SND1: variants seen among roughly 807,000 people sequenced by gnomAD.
SND1 encodes staphylococcal nuclease domain-containing protein 1.
In SND1, 38 loss-of-function variants were observed where a neutral mutation model predicts 121.7. The observed-to-expected ratio is 0.31, with a 90% CI of 0.24 to 0.41. The LOEUF (loss-of-function observed/expected upper bound fraction) is 0.41. SND1 is among the 10% of genes least tolerant of loss of function. The pLI, the probability that SND1 is intolerant of heterozygous loss-of-function variation, is 1.00. For missense variants in SND1, 868 were observed against 1,184.6 expected, an observed-to-expected ratio of 0.73 and a Z score of 3.92; for synonymous variants, 401 against 447.4, an observed-to-expected ratio of 0.90 and a Z score of 1.31.
chr7:127,872,669 C>T (rs991856795), intron 12 of SND1, among the ~76,000 whole-genome samples: 6 of 142,582 alleles, frequency 4.2e-5, no homozygotes, highest in East Asian at 2.2e-4. Flanking sequence ...CACACACACA[C>T]GACTCTGCCA....
At chr7:127,759,604 T>C (rs563684995) in intron 10 of SND1, among the ~76,000 whole-genome samples, 2 of 152,344 alleles carry the variant, frequency 1.3e-5, no homozygotes, top group Admixed American at 1.3e-4. Flanking sequence ...CCATCAGATA[T>C]GCTCATTGCT....
chr7:127,866,079 A>G (rs1401192434), intron 12 of SND1, among the ~76,000 whole-genome samples: 1 of 152,174 alleles, frequency 6.6e-6, no homozygotes, highest in Non-Finnish European at 1.5e-5. Context: ...CAACCTAAGC[A>G]GTGGGCTAGA....
intron 15 of SND1, among the ~76,000 whole-genome samples, chr7:127,990,202 C>T (rs1006004228): frequency 3.9e-5 from 6 of 152,104 alleles, no homozygotes; most frequent in African/African-American, 1.4e-4. Context: ...CCTTAAGAAG[C>T]GGATATATTA....
intron 1 of SND1, among the ~76,000 whole-genome samples, chr7:127,665,158 T>C (rs1304333000): frequency 2.0e-5 from 3 of 152,118 alleles, no homozygotes; most frequent in Admixed American, 6.6e-5. Context: ...TACCACTTTA[T>C]TGAGTTTTGG....
Position 127,652,362 on chromosome 7 carries a change from G to T in SND1, c.-12G>T. ...GCCAGCCGCTCCACTCGTTGCCTTT[G>T]CATCTCCACACATGGCGTCCTCCGC... On this transcript the variant is annotated 5_prime_UTR_variant, in exon 1 of 24. Transcript: ENST00000354725. 1 of 1,572,116 alleles carries T rather than the reference G, an allele frequency of 6.4e-7. No individual in the cohort carries two copies. Among genetic ancestry groups the T allele is most frequent in the Non-Finnish European group, 8.7e-7 (1 of 1,153,452 alleles).
chr7:128,054,590 A>T (rs965050486), intron 16 of SND1, among the ~76,000 whole-genome samples: 1 of 152,174 alleles, frequency 6.6e-6, no homozygotes. Context: ...GTCATGTGGC[A>T]TGTCTGGCCC....
In SND1 at chr7:127,707,644, C is replaced by G. The variant is rs770605342; in HGVS notation, c.1035C>G (p.Ala345=). Residue 345 remains alanine, a synonymous_variant, in exon 9 of 24, where the codon GCC becomes GCG. Transcript: ENST00000354725. ...ACCAAAAGGACAAGCAGTTTGTTGC[C>G]AAGGTGAGTCATTCTCAGCATCTTG... The part of the protein sequence containing the change: ...NLDQKDKQFV[A]KVMQVLNADA... 6.2e-7 allele frequency: 1 copy of G among 1,613,196 alleles called. No homozygotes were observed. The highest frequency in any genetic ancestry group is 2.2e-5 in the East Asian group (1 of 44,856).
chr7:127,917,178 T>C (rs1182021104), intron 14 of SND1, among the ~76,000 whole-genome samples: 1 of 152,252 alleles, frequency 6.6e-6, no homozygotes, highest in East Asian at 1.9e-4. Flanking sequence ...CAATATAATA[T>C]CCACATGTGG....
chr7:127,976,494 G>A (rs890152617), intron 15 of SND1, among the ~76,000 whole-genome samples: 5 of 152,234 alleles, frequency 3.3e-5, no homozygotes, highest in African/African-American at 4.8e-5. Context: ...GTGCTTTGGT[G>A]CACTGTTGCC....
chr7:128,028,943 AAC>A, intron 16 of SND1: 1 of 1,609,276 alleles, frequency 6.2e-7, no homozygotes, highest in Non-Finnish European at 8.5e-7. Flanking sequence ...GGATTATCTC[AAC>A]AGTCCGGGCG....
chr7:127,752,600 G>A (rs1228127526), intron 10 of SND1, among the ~76,000 whole-genome samples: 3 of 152,126 alleles, frequency 2.0e-5, no homozygotes, highest in Admixed American at 6.5e-5. Flanking sequence ...TCTATAAAGG[G>A]CCAAATGATA....
At chr7:127,883,991 G>A (rs1584640135) in intron 12 of SND1, among the ~76,000 whole-genome samples, 2 of 152,230 alleles carry the variant, frequency 1.3e-5, no homozygotes, top group African/African-American at 4.8e-5. Flanking sequence ...ATTTTGTGAG[G>A]AGACACTTTG....
intron 10 of SND1, among the ~76,000 whole-genome samples, chr7:127,735,115 C>G (rs1438322715): frequency 6.6e-6 from 1 of 152,140 alleles, no homozygotes; most frequent in Non-Finnish European, 1.5e-5. Flanking sequence ...TCCTCTACCC[C>G]GTCCTTGGGA....
chr7:127,658,402 A>G (rs1266145557), intron 1 of SND1, among the ~76,000 whole-genome samples: 2 of 152,248 alleles, frequency 1.3e-5, no homozygotes, highest in Non-Finnish European at 2.9e-5. Flanking sequence ...TTTTCTGACT[A>G]TCAGCTAGTC....
Position 128,029,184 on chromosome 7 carries a change from G to A in SND1, c.1779+38128G>A. ...GAGCACCGTGGTAGAGGTGGTATAT[G>A]CCGGCTGGTAACCAGTGGACGTGGT... is the stretch of plus-strand genomic sequence containing the variant. On this transcript the variant is annotated intron_variant, in intron 16 of 23. Coordinates refer to ENST00000354725, the MANE Select transcript of SND1 (RefSeq NM_014390.4). This position sits in a 1 kb window ranked among gnomAD's most constrained non-coding sequence, Gnocchi z 4.2. The A allele has an allele frequency of 6.2e-7, 1 of 1,614,128 alleles. No individual in the cohort carries two copies. The highest frequency in any genetic ancestry group is 8.5e-7 in the Non-Finnish European group (1 of 1,180,036).
chr7:127,895,852 G>T (rs895521906), intron 13 of SND1, among the ~76,000 whole-genome samples: 11 of 152,006 alleles, frequency 7.2e-5, no homozygotes, highest in African/African-American at 2.7e-4. Context: ...ATATTAAGAG[G>T]ATCTGTTCAC....
At chr7:127,927,342 T>A (rs954656775) in intron 14 of SND1, among the ~76,000 whole-genome samples, 1 of 152,246 alleles carries the variant, frequency 6.6e-6, no homozygotes, top group Non-Finnish European at 1.5e-5. Context: ...GGTTGCCTCA[T>A]GATTTGCGAT....
chr7:127,892,296 C>T (rs1800023317), intron 13 of SND1, among the ~76,000 whole-genome samples: 1 of 152,040 alleles, frequency 6.6e-6, no homozygotes, highest in Non-Finnish European at 1.5e-5. Flanking sequence ...CATGGGCGCT[C>T]AGGGAGTGAT....
intron 16 of SND1, among the ~76,000 whole-genome samples, chr7:128,005,386 T>C (rs912043718): frequency 6.6e-6 from 1 of 152,200 alleles, no homozygotes. Context: ...ACATGCAGGC[T>C]TACACCGCCC....
Sources: allele counts gnomAD v4.1 joint callset (sites outside exome capture counted in the v4.1 genomes callset), GRCh38; gene constraint gnomAD v4.1.1; non-coding constraint Gnocchi (gnomAD v3.1); transcripts MANE v1.5; gene names NCBI Gene and HGNC (gene_info 2026-07-23, HGNC 2026-07-21).